AGBL4: variants seen among roughly 807,000 people sequenced by gnomAD.
The protein encoded by AGBL4 is cytosolic carboxypeptidase 6.
Under a neutral mutation model 66.4 loss-of-function variants are expected in AGBL4, and 58 were observed. The ratio of observed to expected loss-of-function variants is 0.87; its 90% CI spans 0.71 to 1.09. The LOEUF is 1.09. AGBL4 is among the 50% of genes least tolerant of loss of function. The probability of loss-of-function intolerance (pLI) is 0.00; values close to 1 mark genes in which losing one functional copy is unlikely to be tolerated. For synonymous variants in AGBL4, 234 were observed against 222.9 expected, an observed-to-expected ratio of 1.05 and a Z score of -0.44; for missense variants, 579 against 631.0, an observed-to-expected ratio of 0.92 and a Z score of 0.88.
At chr1:49,430,387 C>A (rs1645760199) in intron 3 of AGBL4, among the ~76,000 whole-genome samples, 1 of 152,242 alleles carries the variant, frequency 6.6e-6, no homozygotes, top group African/African-American at 2.4e-5. Context: ...ACTGTATTAT[C>A]ATTGATTTTT....
At chr1:49,784,605 A>G (rs1288846485) in intron 2 of AGBL4, among the ~76,000 whole-genome samples, 4 of 152,062 alleles carry the variant, frequency 2.6e-5, no homozygotes, top group Admixed American at 1.3e-4. Flanking sequence ...TAATTTTTCA[A>G]TGTCACACCA....
chr1:48,651,340 C>G (rs1166626541), intron 8 of AGBL4, among the ~76,000 whole-genome samples: 1 of 152,190 alleles, frequency 6.6e-6, no homozygotes, highest in Non-Finnish European at 1.5e-5. Context: ...CAGTGTCCAT[C>G]TAAAGCCCTG....
chr1:49,202,308 C>T (rs950249041), intron 4 of AGBL4, among the ~76,000 whole-genome samples: 1 of 152,072 alleles, frequency 6.6e-6, no homozygotes, highest in African/African-American at 2.4e-5. Context: ...CAAAGAACCT[C>T]AAATGATCAA....
At chr1:49,951,180 T>A (rs1656127924) in intron 1 of AGBL4, among the ~76,000 whole-genome samples, 1 of 151,974 alleles carries the variant, frequency 6.6e-6, no homozygotes, top group East Asian at 1.9e-4. Context: ...TTAATAATAA[T>A]GTATTGCATG....
In AGBL4 at chr1:49,226,636, C is replaced by T. The variant is rs1049810152; in HGVS notation, c.377+19134G>A. Among the ~76,000 whole-genome samples the T allele has an allele frequency of 3.9e-5, 6 of 152,252 alleles. No individual in the cohort carries two copies. The East Asian group carries it at 5.8e-4, about 15-fold the overall frequency. ...CAAACCTGCTTGTCCTTCAATAATA[C>T]TTATGCTTTCACTGCCTCTGTGAAT... On this transcript the variant is annotated intron_variant, in intron 4 of 13. Coordinates refer to ENST00000371839, the MANE Select transcript of AGBL4 (RefSeq NM_032785.4).
At position 48,603,511 on chromosome 1, in the gene AGBL4, G is replaced by A. The variant is rs2148367695; in HGVS notation, c.952-12526C>T. Among the ~76,000 whole-genome samples, 2 of 152,152 alleles carry A rather than the reference G, an allele frequency of 1.3e-5. 1 individual carries two copies. The highest frequency in any genetic ancestry group is 3.9e-4 in the East Asian group (2 of 5,134). ...AGTGTTTAGCACAGTTGAAGAGCAG[G>A]GGAGGGGACACAGAGGGGGGTGAGG... On this transcript the variant is annotated intron_variant, in intron 9 of 13. Transcript: ENST00000371839.
chr1:49,586,312 T>C (rs1221854373), intron 3 of AGBL4, among the ~76,000 whole-genome samples: 3 of 152,222 alleles, frequency 2.0e-5, no homozygotes, highest in African/African-American at 7.2e-5. Context: ...AGAGTATGCC[T>C]AGAGAATGAC....
intron 4 of AGBL4, among the ~76,000 whole-genome samples, chr1:49,086,197 A>G (rs1644904373): frequency 6.6e-6 from 1 of 151,982 alleles, no homozygotes; most frequent in South Asian, 2.1e-4. Context: ...TTCTATGTGA[A>G]TTCAGCCAGT....
intron 3 of AGBL4, among the ~76,000 whole-genome samples, chr1:49,636,292 A>G (rs1645670667): frequency 6.6e-6 from 1 of 152,190 alleles, no homozygotes; most frequent in South Asian, 2.1e-4. Flanking sequence ...CTGATTTGCA[A>G]CTAACCATCT....
At chr1:48,985,066 A>G (rs1660075114) in intron 5 of AGBL4, among the ~76,000 whole-genome samples, 1 of 152,098 alleles carries the variant, frequency 6.6e-6, no homozygotes, top group Admixed American at 6.6e-5. Flanking sequence ...TCCCACCTGA[A>G]AAAACAAACC....
Position 48,634,551 on chromosome 1 carries a change from C to T in AGBL4, c.893G>A (p.Trp298Ter). The change falls in exon 9 of 14, where the codon TGG becomes TAG. Residue 298 changes from tryptophan to a stop codon, truncating the protein, a stop_gained. Coordinates refer to ENST00000371839, the MANE Select transcript of AGBL4 (RefSeq NM_032785.4). LOFTEE classifies it high-confidence loss of function. ...LNRHWLDPSP[W>*]VHPTLHGVKQ... ...CACTCCATGCAGGGTAGGATGGACCCATGGAGAGGGATCCAGCCAGTGACG... is the reference window on the plus strand; with the variant it reads ...CACTCCATGCAGGGTAGGATGGACCTATGGAGAGGGATCCAGCCAGTGACG... 6.2e-7 allele frequency: 1 copy of T among 1,606,930 alleles called. No homozygotes were observed. The highest frequency in any genetic ancestry group is 8.5e-7 in the Non-Finnish European group (1 of 1,176,760).
chr1:49,640,057 T>A (rs559505799), intron 3 of AGBL4, among the ~76,000 whole-genome samples: 1 of 152,116 alleles, frequency 6.6e-6, no homozygotes, highest in Non-Finnish European at 1.5e-5. Flanking sequence ...GCAACATCAG[T>A]GGGGCCATCC....
chr1:49,762,558 G>A (rs1292481707), intron 2 of AGBL4, among the ~76,000 whole-genome samples: 7 of 151,918 alleles, frequency 4.6e-5, no homozygotes, highest in East Asian at 1.9e-4. Flanking sequence ...GACTACAGGC[G>A]CCTGCCACCA....
chr1:48,582,366 G>A (rs1644752735), intron 11 of AGBL4, among the ~76,000 whole-genome samples: 1 of 152,190 alleles, frequency 6.6e-6, no homozygotes, highest in Non-Finnish European at 1.5e-5. Context: ...ATCTTAGAAT[G>A]TCAGAGCTGG....
chr1:49,921,935 C>A (rs1264301564), intron 1 of AGBL4, among the ~76,000 whole-genome samples: 4 of 151,954 alleles, frequency 2.6e-5, no homozygotes, highest in Admixed American at 2.6e-4. Context: ...CTAATACAAC[C>A]AAAAAAATAC....
intron 1 of AGBL4, among the ~76,000 whole-genome samples, chr1:49,967,334 TA>T (rs1490032458): frequency 6.6e-6 from 1 of 152,074 alleles, no homozygotes; most frequent in Non-Finnish European, 1.5e-5. Context: ...TATGCAGCCA[TA>T]AAAAAGGATG....
At chr1:49,624,020 T>C (rs1189238378) in intron 3 of AGBL4, among the ~76,000 whole-genome samples, 1 of 152,012 alleles carries the variant, frequency 6.6e-6, no homozygotes, top group African/African-American at 2.4e-5. Context: ...TGTGTGTGTG[T>C]GTGTGTGTGT....
intron 4 of AGBL4, among the ~76,000 whole-genome samples, chr1:49,224,738 A>C (rs1372735401): frequency 1.3e-5 from 2 of 152,064 alleles, no homozygotes; most frequent in Non-Finnish European, 2.9e-5. Flanking sequence ...CAGGCCTTGT[A>C]CTGGACACCA....
At position 48,668,405 on chromosome 1, in the gene AGBL4, C is replaced by T. The variant is rs77230268; in HGVS notation, c.635-5164G>A. ...CCCTTCAGCAGTGCTCTATTGTTTG[C>T]AGAGCAAGTCCAGCCCCCTTAGCCT... On this transcript the variant is annotated intron_variant, in intron 6 of 13. Transcript: ENST00000371839. Among the ~76,000 whole-genome samples the T allele has an allele frequency of 8.0e-4, 109 of 135,786 alleles. 6 individuals are homozygous for T. In the East Asian group the frequency reaches 0.02, roughly 25 times the overall value. The allele number at this position is 135,786 out of a possible 152,430, so 89.1% of individuals were successfully genotyped here. A position where few individuals can be genotyped will look rare whatever the true frequency, so the allele number is the denominator to read the frequency against.
Sources: allele counts gnomAD v4.1 joint callset (sites outside exome capture counted in the v4.1 genomes callset), GRCh38; gene constraint gnomAD v4.1.1; transcripts MANE v1.5; gene names NCBI Gene and HGNC (gene_info 2026-07-23, HGNC 2026-07-21).